The following NICOL1 variants were observed in gnomAD, a reference collection of about 807,000 sequenced individuals.
NICOL1 encodes NELL2 interacting cell ontogeny regulator 1.
At chr4:2,041,904 T>G in the NICOL1 span, 4 of 1,332,990 alleles carry the variant, frequency 3.0e-6, no homozygotes, top group Non-Finnish European at 2.9e-6. Context: ...TGGAGCGTCC[T>G]AGGTTCCTCT....
chr4:2,040,627 C>G, the NICOL1 span, among the ~76,000 whole-genome samples: 1 of 152,170 alleles, frequency 6.6e-6, no homozygotes, highest in Non-Finnish European at 1.5e-5. Flanking sequence ...TGGAGAAGAG[C>G]GCGGAAGTGC....
the NICOL1 span, among the ~76,000 whole-genome samples, chr4:2,038,508 G>T: frequency 6.6e-6 from 1 of 151,826 alleles, no homozygotes; most frequent in African/African-American, 2.4e-5. Context: ...TGTTGTCCAA[G>T]CTGGTTTTAA....
chr4:2,041,695 T>TC, the NICOL1 span: 1 of 347,310 alleles, frequency 2.9e-6, no homozygotes, highest in Non-Finnish European at 5.2e-6. Flanking sequence ...ATCGAGCAGC[T>TC]CCCTCAGGAT....
chr4:2,042,503 G>C, the NICOL1 span: 1 of 415,316 alleles, frequency 2.4e-6, no homozygotes, highest in East Asian at 3.6e-5. Context: ...CGGGGGCCGG[G>C]TTCCGGGGAG....
the NICOL1 span, among the ~76,000 whole-genome samples, chr4:2,038,527 C>A: frequency 2.6e-5 from 4 of 151,928 alleles, no homozygotes; most frequent in East Asian, 5.8e-4. Context: ...AAACTCCTGG[C>A]CTCAAGTGAT....
the NICOL1 span, among the ~76,000 whole-genome samples, chr4:2,043,339 A>G: frequency 6.6e-6 from 1 of 152,112 alleles, no homozygotes; most frequent in Non-Finnish European, 1.5e-5. Flanking sequence ...GGGTGCAGCC[A>G]AGGAGTTTTT....
the NICOL1 span, chr4:2,042,439 G>A: frequency 2.2e-6 from 1 of 444,564 alleles, no homozygotes. Context: ...GCTGCTGGGC[G>A]CCCGGGCCCG....
the NICOL1 span, among the ~76,000 whole-genome samples, chr4:2,036,781 G>A: frequency 6.6e-6 from 1 of 152,080 alleles, no homozygotes; most frequent in Non-Finnish European, 1.5e-5. Context: ...ATGAGAACCC[G>A]GAAGGAGCAA....
chr4:2,043,136 C>A, the NICOL1 span, among the ~76,000 whole-genome samples: 1 of 152,222 alleles, frequency 6.6e-6, no homozygotes, highest in Non-Finnish European at 1.5e-5. Flanking sequence ...TGGGGAAGGA[C>A]TGTCAGCCCA....
At chr4:2,041,688 G>C in the NICOL1 span, 1 of 337,248 alleles carries the variant, frequency 3.0e-6, no homozygotes, top group Non-Finnish European at 5.4e-6. Context: ...CGCGAGCATC[G>C]AGCAGCTCCC....
At chr4:2,043,490 G>A in the NICOL1 span, among the ~76,000 whole-genome samples, 97,551 of 152,092 alleles carry the variant, frequency 0.64, 33,399 homozygotes, top group South Asian at 0.75. Flanking sequence ...ACTAAGACCT[G>A]GAGCCCTCTC....
the NICOL1 span, among the ~76,000 whole-genome samples, chr4:2,039,620 G>T: frequency 2.0e-3 from 301 of 151,348 alleles, 2 homozygotes; most frequent in African/African-American, 6.8e-3. Flanking sequence ...GGATCACTTG[G>T]GGTCAGGAGT....
At chr4:2,042,783 CTGCAG>C in the NICOL1 span, 3 of 1,518,128 alleles carry the variant, frequency 2.0e-6, no homozygotes, top group African/African-American at 4.2e-5. Context: ...GCAGCGCGCC[CTGCAG>C]GACCTGCGGA....
chr4:2,042,319 G>A, the NICOL1 span: 1 of 620,698 alleles, frequency 1.6e-6, no homozygotes, highest in East Asian at 3.5e-5. Context: ...ACCCCTCGCT[G>A]GCTTCAGGGC....
chr4:2,040,704 C>G, the NICOL1 span, among the ~76,000 whole-genome samples: 1 of 152,336 alleles, frequency 6.6e-6, no homozygotes, highest in South Asian at 2.1e-4. Flanking sequence ...CCGCAGCCCC[C>G]ACCCGGCCCC....
chr4:2,039,185 G>A, the NICOL1 span, among the ~76,000 whole-genome samples: 1 of 152,080 alleles, frequency 6.6e-6, no homozygotes, highest in Non-Finnish European at 1.5e-5. Flanking sequence ...AGGCCAAGGC[G>A]GGTGGATCGC....
chr4:2,042,008 G>A, the NICOL1 span: 12 of 1,470,374 alleles, frequency 8.2e-6, no homozygotes, highest in African/African-American at 4.5e-5. Context: ...CGCGTTGCGC[G>A]CCGGACGCGG....
At chr4:2,042,694 C>G in the NICOL1 span, 1 of 1,160,264 alleles carries the variant, frequency 8.6e-7, no homozygotes, top group Non-Finnish European at 1.2e-6. Context: ...TTGCGGGTGA[C>G]CCCCCCTGCG....
At chr4:2,041,122 C>G in the NICOL1 span, among the ~76,000 whole-genome samples, 1 of 140,590 alleles carries the variant, frequency 7.1e-6, no homozygotes, top group Non-Finnish European at 1.5e-5. Context: ...CCTGAGCTCC[C>G]GGCCACAGCG....
Sources: allele counts gnomAD v4.1 joint callset (sites outside exome capture counted in the v4.1 genomes callset), GRCh38; gene constraint gnomAD v4.1.1; transcripts MANE v1.5; gene names NCBI Gene and HGNC (gene_info 2026-07-23, HGNC 2026-07-21).